ACAD10: variants seen among roughly 807,000 people sequenced by gnomAD.
The protein encoded by ACAD10 is acyl-CoA dehydrogenase family member 10.
In ACAD10, 112 loss-of-function variants were observed where a neutral mutation model predicts 116.8. That is an observed-to-expected ratio of 0.96 (90% confidence interval 0.82 to 1.12). The LOEUF is 1.12. Among genes scored for constraint, ACAD10 ranks in the 50% most tolerant of loss-of-function variants. ACAD10 has a pLI of 0.00. For missense variants in ACAD10, 1,259 were observed against 1,350.2 expected, an observed-to-expected ratio of 0.93 and a Z score of 1.06; for synonymous variants, 486 against 510.6, an observed-to-expected ratio of 0.95 and a Z score of 0.65.
At chr12:111,707,531 C>G (rs974830482) in intron 4 of ACAD10, among the ~76,000 whole-genome samples, 4 of 152,202 alleles carry the variant, frequency 2.6e-5, no homozygotes, top group Non-Finnish European at 5.9e-5. Flanking sequence ...CAGAAGGACC[C>G]TTCCCCTGGC....
At position 111,733,999 on chromosome 12, in the gene ACAD10, G is replaced by A. The variant is rs773955332; in HGVS notation, c.1471G>A (p.Asp491Asn). ...VLDWELSTLG[D>N]PLADVAYSCL... ...TGACTGGGAACTTTCTACCTTGGGC[G>A]ACCCCCTTGCTGATGTGGCCTACAG... Residue 491 changes from aspartate (D) to asparagine (N), a missense_variant, in exon 11 of 21, where the codon GAC becomes AAC. By Grantham distance (23) the Asp-to-Asn change is conservative. Coordinates refer to ENST00000313698, the MANE Select transcript of ACAD10 (RefSeq NM_025247.6). 3.7e-6 allele frequency: 6 copies of A among 1,614,180 alleles called. No homozygotes were observed. Among genetic ancestry groups the A allele is most frequent in the Admixed American group, 1.7e-5 (1 of 60,024 alleles).
intron 7 of ACAD10, among the ~76,000 whole-genome samples, chr12:111,718,987 C>T (rs1057297283): frequency 6.6e-6 from 1 of 151,876 alleles, no homozygotes; most frequent in African/African-American, 2.4e-5. Flanking sequence ...CACCTATAGT[C>T]CCAGCCAATC....
chr12:111,749,714 G>T, intron 18 of ACAD10: 2 of 173,814 alleles, frequency 1.2e-5, no homozygotes, highest in Non-Finnish European at 2.4e-5. Context: ...GTTGCTTGAA[G>T]CCAAGCATTT....
chr12:111,736,802 A>G (rs374135318), intron 11 of ACAD10, 29 bp from the exon 12 acceptor site: 2 of 1,598,930 alleles, frequency 1.3e-6, no homozygotes, highest in Non-Finnish European at 1.7e-6. Flanking sequence ...GTCAGTGACT[A>G]CCCATGAATG....
Position 111,744,902 on chromosome 12 carries a change from CCT to C in ACAD10, c.1980_1981del (p.Pro661ThrfsTer50). ...GAGGTCTGGTTATCTCTCCAGAGAG[CCT>C]CTCTCCACCTGTCAGAGAGCTGTAT... ...RGGLVISPES[L>X]SPPVRELYHR... On this transcript the variant is annotated frameshift_variant, in exon 13 of 21. Transcript: ENST00000313698. LOFTEE classifies it high-confidence loss of function. 6.2e-7 allele frequency: 1 copy of C among 1,614,158 alleles called. No individual in the cohort carries two copies.
chr12:111,709,803 T>C, intron 5 of ACAD10, 119 bp downstream of exon 5: 2 of 1,128,240 alleles, frequency 1.8e-6, no homozygotes, highest in Non-Finnish European at 2.5e-6. Flanking sequence ...TGTGTTTCCA[T>C]AGTCATCTTA....
intron 13 of ACAD10, chr12:111,745,290 G>A: frequency 3.8e-6 from 2 of 523,464 alleles, no homozygotes; most frequent in Non-Finnish European, 6.7e-6. Flanking sequence ...TGGAATGCTT[G>A]GCCTTAGAAA....
chr12:111,717,570 ATT>A (rs761647702), intron 7 of ACAD10, among the ~76,000 whole-genome samples: 9 of 141,274 alleles, frequency 6.4e-5, no homozygotes, highest in Admixed American at 2.2e-4. Context: ...GTATTAGCTG[ATT>A]TTTTTTTTTT....
intron 18 of ACAD10, among the ~76,000 whole-genome samples, chr12:111,750,389 G>C (rs1246670958): frequency 6.6e-6 from 1 of 151,932 alleles, no homozygotes; most frequent in East Asian, 1.9e-4. Flanking sequence ...CAATGTGCTG[G>C]GATTACCGGC....
intron 6 of ACAD10, 97 bp downstream of exon 6, chr12:111,712,754 A>G: frequency 7.3e-7 from 1 of 1,373,030 alleles, no homozygotes; most frequent in Non-Finnish European, 1.0e-6. Flanking sequence ...GCTGGAGACA[A>G]AGAAGCTTTA....
intron 10 of ACAD10, among the ~76,000 whole-genome samples, chr12:111,731,148 G>A (rs1889375296): frequency 6.6e-6 from 1 of 152,118 alleles, no homozygotes; most frequent in Admixed American, 6.5e-5. Flanking sequence ...GGCTTGACCG[G>A]TGTCCCTCGC....
At chr12:111,709,396 C>T (rs1420305899) in intron 4 of ACAD10, 130 bp from the exon 5 acceptor site, 3 of 775,828 alleles carry the variant, frequency 3.9e-6, no homozygotes, top group Non-Finnish European at 5.8e-6. Flanking sequence ...TATCATAACA[C>T]TCTTAAATTA....
At chr12:111,687,872 T>G (rs1302782799) in intron 1 of ACAD10, among the ~76,000 whole-genome samples, 1 of 152,110 alleles carries the variant, frequency 6.6e-6, no homozygotes, top group African/African-American at 2.4e-5. Flanking sequence ...CAAACCTTTT[T>G]TTTTTTTTGT....
At position 111,744,751 on chromosome 12, in the gene ACAD10, T is replaced by C. The variant is rs755381658; in HGVS notation, c.1823T>C (p.Met608Thr). Reference sequence around the variant, plus strand: ...GAAGGGTTCCGGGTTTTCAAAGAGATGCCCTTCACAAATCCGTTAACAAGG... The same window carrying C: ...GAAGGGTTCCGGGTTTTCAAAGAGACGCCCTTCACAAATCCGTTAACAAGG... ...VKEGFRVFKE[M>T]PFTNPLTRSY... The change falls in exon 13 of 21, where the codon ATG becomes ACG. Residue 608 changes from methionine to threonine, a missense_variant. Physicochemically the swap from Met to Thr is moderately conservative, Grantham distance 81. Coordinates refer to ENST00000313698, the MANE Select transcript of ACAD10 (RefSeq NM_025247.6). 4.3e-6 allele frequency: 7 copies of C among 1,614,212 alleles called. No individual in the cohort carries two copies. Among genetic ancestry groups the C allele is most frequent in the Non-Finnish European group, 5.9e-6 (7 of 1,180,034 alleles).
Position 111,736,891 on chromosome 12 carries a change from T to G in ACAD10, c.1601T>G (p.Met534Arg). 1 of 1,614,230 alleles carries G rather than the reference T, an allele frequency of 6.2e-7. No homozygotes were observed. The highest frequency in any genetic ancestry group is 8.5e-7 in the Non-Finnish European group (1 of 1,180,042). Residue 534 changes from methionine to arginine, a missense_variant, in exon 12 of 21, where the codon ATG becomes AGG. Transcript: ENST00000313698. ...CCTGCTGCAGAGGAGTATTTCAGGA[T>G]GTACTGTCTCCAAATGGGGCTCCCT... The part of the protein sequence containing the change: ...GIPAAEEYFR[M>R]YCLQMGLPPT...
chr12:111,692,549 G>A lies in ACAD10; in HGVS notation c.-13-148G>A, dbSNP rs1888081651. 20 of 738,092 alleles carry A rather than the reference G, an allele frequency of 2.7e-5. No individual in the cohort carries two copies. In the South Asian group the frequency reaches 3.8e-4, roughly 14 times the overall value. The allele number at this position is 738,092 out of a possible 1,614,324, so 45.7% of individuals were successfully genotyped here. ...CTTGACTAAGTAGCCAGGGAGGGAGGAGACACTGAGGTCAGTTGTGGGTGT... is the reference window on the plus strand; with the variant it reads ...CTTGACTAAGTAGCCAGGGAGGGAGAAGACACTGAGGTCAGTTGTGGGTGT... On this transcript the variant is annotated intron_variant, in intron 1 of 20. Transcript: ENST00000313698.
At chr12:111,702,399 AAAT>A in intron 3 of ACAD10, 89 bp downstream of exon 3, 5 of 1,494,696 alleles carry the variant, frequency 3.3e-6, no homozygotes, top group Non-Finnish European at 4.5e-6. Flanking sequence ...GTTAAACTGA[AAAT>A]AAAGTGAAAC....
chr12:111,699,351 G>A (rs1363385812), intron 2 of ACAD10, among the ~76,000 whole-genome samples: 1 of 152,082 alleles, frequency 6.6e-6, no homozygotes, highest in East Asian at 1.9e-4. Context: ...TGCTAAAAGA[G>A]CATAAAATAC....
intron 17 of ACAD10, chr12:111,748,904 C>G: frequency 8.9e-7 from 1 of 1,126,508 alleles, no homozygotes; most frequent in Non-Finnish European, 1.3e-6. Context: ...TTGTCACAAA[C>G]CACTAGGAGC....
Sources: gnomAD v4.1 joint callset for allele counts (sites outside exome capture counted in the v4.1 genomes callset) on GRCh38, gnomAD v4.1.1 for gene constraint, MANE v1.5 for transcripts, NCBI Gene and HGNC (gene_info 2026-07-23, HGNC 2026-07-21) for gene names.